The following CECR2 variants were observed in gnomAD, a reference collection of about 807,000 sequenced individuals.
CECR2 encodes chromatin remodeling regulator CECR2.
In CECR2, 30 loss-of-function variants were observed where a neutral mutation model predicts 154.5. The observed-to-expected ratio is 0.19, with a 90% CI of 0.15 to 0.26. The LOEUF is 0.26. Ranked by LOEUF, CECR2 falls within the 10% of genes least tolerant of loss-of-function variation. The pLI, the probability that CECR2 is intolerant of heterozygous loss-of-function variation, is 1.00. For missense variants in CECR2, 1,743 were observed against 1,829.3 expected, an observed-to-expected ratio of 0.95 and a Z score of 0.86; for synonymous variants, 725 against 683.7, an observed-to-expected ratio of 1.06 and a Z score of -0.94.
At chr22:17,428,344 G>C (rs539042276) in intron 1 of CECR2, 1 of 152,066 alleles carries the variant, frequency 6.6e-6, no homozygotes, top group Non-Finnish European at 1.5e-5. Context: ...TTACTGCCTA[G>C]ATCCTAGATC....
intron 7 of CECR2, among the ~76,000 whole-genome samples, chr22:17,509,096 C>T (rs1321377978): frequency 3.3e-5 from 5 of 152,156 alleles, no homozygotes; most frequent in Non-Finnish European, 7.4e-5. Context: ...ACTAAAAATG[C>T]ACAAATTAGT....
At chr22:17,551,608 C>A (rs563147327) in intron 17 of CECR2, among the ~76,000 whole-genome samples, 12 of 151,944 alleles carry the variant, frequency 7.9e-5, no homozygotes, top group African/African-American at 2.9e-4. Flanking sequence ...CTCAGGAGTT[C>A]GAGACCAGCC....
intron 2 of CECR2, among the ~76,000 whole-genome samples, chr22:17,480,532 G>C (rs2055291733): frequency 6.6e-6 from 1 of 151,770 alleles, no homozygotes; most frequent in Non-Finnish European, 1.5e-5. Flanking sequence ...GTGTAACAGA[G>C]AACCTGGACA....
chr22:17,427,900 A>G (rs9604744), intron 1 of CECR2, among the ~76,000 whole-genome samples: 15,158 of 152,238 alleles, frequency 0.1, 922 homozygotes, highest in South Asian at 0.26. Flanking sequence ...AGAAATCGCC[A>G]CACTGTCTTC....
At chr22:17,523,169 G>C (rs2056188328) in intron 8 of CECR2, among the ~76,000 whole-genome samples, 1 of 152,122 alleles carries the variant, frequency 6.6e-6, no homozygotes, top group Non-Finnish European at 1.5e-5. Flanking sequence ...GGGAGGCTGA[G>C]GTCAGAAGTT....
intron 1 of CECR2, among the ~76,000 whole-genome samples, chr22:17,458,130 G>C (rs2054882213): frequency 1.3e-5 from 2 of 151,948 alleles, no homozygotes; most frequent in Admixed American, 6.6e-5. Context: ...AAACTGCGTA[G>C]AACTGGCCGG....
chr22:17,527,769 C>CAAAAAAAA (rs3079565), intron 9 of CECR2, among the ~76,000 whole-genome samples: 2 of 89,958 alleles, frequency 2.2e-5, no homozygotes, highest in Admixed American at 1.3e-4. Context: ...GATTCTGTCT[C>CAAAAAAAA]AAAAAAAAAA....
chr22:17,475,635 T>C (rs1280635626), intron 1 of CECR2, among the ~76,000 whole-genome samples: 1 of 152,152 alleles, frequency 6.6e-6, no homozygotes, highest in Non-Finnish European at 1.5e-5. Context: ...ATACGTGATC[T>C]GTAGTTTCAT....
chr22:17,456,980 C>A (rs984317208), intron 1 of CECR2, among the ~76,000 whole-genome samples: 10 of 152,218 alleles, frequency 6.6e-5, no homozygotes, highest in African/African-American at 2.2e-4. Context: ...TTGTTAATCT[C>A]ATTTGCTCCC....
chr22:17,447,389 G>A (rs746356950), intron 1 of CECR2, among the ~76,000 whole-genome samples: 2 of 151,872 alleles, frequency 1.3e-5, no homozygotes, highest in Non-Finnish European at 1.5e-5. Context: ...TCCTGACCTC[G>A]TGATCCACCC....
Position 17,510,767 on chromosome 22 carries a change from A to G in CECR2, c.871-1046A>G, listed in dbSNP as rs533554494. Among the ~76,000 whole-genome samples, 496 of 152,062 alleles carry G rather than the reference A, an allele frequency of 3.3e-3. 1 individual carries two copies. Among genetic ancestry groups the G allele is most frequent in the African/African-American group, 0.011 (470 of 41,502 alleles). On this transcript the variant is annotated intron_variant, in intron 7 of 18. Transcript: ENST00000262608. ...CAGGCACGCACCACCATGCCTGGCT[A>G]ATTTTTTGTGTGTGTGTTTAGTAGA... is the stretch of plus-strand genomic sequence containing the variant.
At chr22:17,404,956 A>C (rs1381108903) in intron 1 of CECR2, among the ~76,000 whole-genome samples, 2 of 152,132 alleles carry the variant, frequency 1.3e-5, no homozygotes, top group African/African-American at 4.8e-5. Context: ...AACACTATTG[A>C]GTCTTCTGAC....
chr22:17,527,726 C>T (rs1328705165), intron 9 of CECR2, among the ~76,000 whole-genome samples: 1 of 138,250 alleles, frequency 7.2e-6, no homozygotes, highest in Non-Finnish European at 1.5e-5. Flanking sequence ...GAGATCAAGC[C>T]AAGACTTCAT....
upstream of CECR2, among the ~76,000 whole-genome samples, chr22:17,368,567 A>G (rs1008277836): frequency 6.6e-6 from 1 of 152,096 alleles, no homozygotes; most frequent in African/African-American, 2.4e-5. Context: ...CACACACTCC[A>G]ACACCCTTCG....
intron 8 of CECR2, among the ~76,000 whole-genome samples, chr22:17,523,005 G>A (rs1049137571): frequency 7.4e-6 from 1 of 134,440 alleles, no homozygotes; most frequent in Non-Finnish European, 1.7e-5. Context: ...ACTCCATCTC[G>A]GGGGGAAAAA....
upstream of CECR2, among the ~76,000 whole-genome samples, chr22:17,367,031 C>T (rs926056190): frequency 5.9e-5 from 9 of 152,180 alleles, no homozygotes; most frequent in Admixed American, 3.9e-4. Flanking sequence ...AAGGAAAGGG[C>T]AGCAGAAGGG....
chr22:17,461,723 G>C (rs933919659), intron 1 of CECR2, among the ~76,000 whole-genome samples: 1 of 152,070 alleles, frequency 6.6e-6, no homozygotes, highest in African/African-American at 2.4e-5. Flanking sequence ...GGGATTGGGT[G>C]GGAGTGAAGA....
chr22:17,541,834 T>C lies in CECR2; in HGVS notation c.1885-5T>C. The C allele has an allele frequency of 6.2e-7, 1 of 1,611,260 alleles. No individual in the cohort carries two copies. Among genetic ancestry groups the C allele is most frequent in the Non-Finnish European group, 8.5e-7 (1 of 1,178,500 alleles). On this transcript the variant is annotated splice_region_variant and splice_polypyrimidine_tract_variant and intron_variant, in intron 14 of 18. Transcript: ENST00000262608. ...CCTCTTCTTGCTTTGTTCAATGTGC[T>C]GCAGAGGCCAGCAGTACCAGGAACA...
intron 1 of CECR2, among the ~76,000 whole-genome samples, chr22:17,376,920 G>A (rs1449090482): frequency 1.3e-5 from 2 of 152,160 alleles, no homozygotes; most frequent in Non-Finnish European, 2.9e-5. Context: ...AAAGGCATGA[G>A]CCACCGCTCC....
Sources: allele counts gnomAD v4.1 joint callset (sites outside exome capture counted in the v4.1 genomes callset), GRCh38; gene constraint gnomAD v4.1.1; transcripts MANE v1.5; gene names NCBI Gene and HGNC (gene_info 2026-07-23, HGNC 2026-07-21).